Variants in CNTNAP5 observed in about 807,000 individuals in gnomAD.
CNTNAP5 encodes contactin-associated protein-like 5.
CNTNAP5 carries 72 observed loss-of-function variants against 150.2 expected under a neutral mutation model. That is an observed-to-expected ratio of 0.48 (90% CI 0.40 to 0.58). The LOEUF is 0.58. Ranked by LOEUF, CNTNAP5 falls within the 20% of genes least tolerant of loss-of-function variation. The pLI, the probability that CNTNAP5 is intolerant of heterozygous loss-of-function variation, is 0.00. For missense variants in CNTNAP5, 1,636 were observed against 1,626.2 expected (o/e 1.01, Z -0.10); for synonymous variants, 672 against 619.8 (o/e 1.08, Z -1.25).
At chr2:124,419,006 C>A (rs368440988) in intron 4 of CNTNAP5, among the ~76,000 whole-genome samples, 1 of 149,094 alleles carries the variant, frequency 6.7e-6, no homozygotes, top group Admixed American at 6.7e-5. Flanking sequence ...CGGTGGCGGG[C>A]GCCTGTAGTC....
chr2:124,316,804 C>CAAAAAAAAAAAAAA (rs56812690), intron 3 of CNTNAP5, among the ~76,000 whole-genome samples: 89 of 54,758 alleles, frequency 1.6e-3, no homozygotes, highest in South Asian at 1.8e-3. Context: ...GACTCCATCT[C>CAAAAAAAAAAAAAA]AAAAAAAAAA....
At position 124,097,405 on chromosome 2, in the gene CNTNAP5, T is replaced by C. The variant is rs1682961189; in HGVS notation, c.82+71673T>C. Among the ~76,000 whole-genome samples, 7 of 152,106 alleles carry C rather than the reference T, an allele frequency of 4.6e-5. No homozygotes were observed. The South Asian group carries it at 1.3e-3, about 27-fold the overall frequency. On this transcript the variant is annotated intron_variant, in intron 1 of 23. Transcript: ENST00000682447. ...TATACACTTTGATAGCATCAAGAAG[T>C]TTTTATCATATTAACAACCAAATAA...
chr2:124,648,913 AT>A (rs1410020416), intron 13 of CNTNAP5, among the ~76,000 whole-genome samples: 2 of 152,208 alleles, frequency 1.3e-5, no homozygotes, highest in African/African-American at 4.8e-5. Context: ...TGGGGAAAAA[AT>A]GGAGAATAAA....
chr2:124,533,869 CTG>C (rs1695172070), intron 10 of CNTNAP5, among the ~76,000 whole-genome samples: 3 of 152,188 alleles, frequency 2.0e-5, no homozygotes, highest in Admixed American at 1.3e-4. Flanking sequence ...ACAAGCATAA[CTG>C]TTTGTTGTGA....
At chr2:124,804,146 A>G (rs1045090182) in intron 19 of CNTNAP5, among the ~76,000 whole-genome samples, 4 of 152,148 alleles carry the variant, frequency 2.6e-5, no homozygotes, top group Non-Finnish European at 4.4e-5. Context: ...CTTTCCAACA[A>G]TCTCTTGTAC....
chr2:124,177,678 C>T (rs978090944), intron 1 of CNTNAP5, among the ~76,000 whole-genome samples: 5 of 152,004 alleles, frequency 3.3e-5, no homozygotes, highest in Admixed American at 1.3e-4. Context: ...TGTGTGCGCA[C>T]GCACACAAAG....
intron 1 of CNTNAP5, among the ~76,000 whole-genome samples, chr2:124,046,148 T>C (rs1433407333): frequency 6.6e-6 from 1 of 152,108 alleles, no homozygotes; most frequent in Non-Finnish European, 1.5e-5. Context: ...GTGTGCCCTT[T>C]TCTAGCACCT....
At chr2:124,648,235 C>G (rs1225028593) in intron 13 of CNTNAP5, among the ~76,000 whole-genome samples, 3 of 152,182 alleles carry the variant, frequency 2.0e-5, no homozygotes, top group African/African-American at 7.2e-5. Context: ...GAATGAAGAA[C>G]ATCTGAAGAG....
chr2:124,736,935 G>A (rs182088872), intron 13 of CNTNAP5, among the ~76,000 whole-genome samples: 1 of 152,102 alleles, frequency 6.6e-6, no homozygotes, highest in Non-Finnish European at 1.5e-5. Flanking sequence ...TTCCAATGGG[G>A]AATACATTAT....
chr2:124,794,733 GT>G (rs1251530263), intron 18 of CNTNAP5, among the ~76,000 whole-genome samples: 1 of 152,050 alleles, frequency 6.6e-6, no homozygotes, highest in African/African-American at 2.4e-5. Context: ...AACTTCAACA[GT>G]TACAAACTCA....
chr2:124,191,269 T>C (rs1374399371), intron 1 of CNTNAP5, among the ~76,000 whole-genome samples: 1 of 152,176 alleles, frequency 6.6e-6, no homozygotes, highest in Non-Finnish European at 1.5e-5. Flanking sequence ...TGGTGTGGGA[T>C]GTTTGGAGAA....
chr2:124,350,465 T>A (rs1162379584), intron 3 of CNTNAP5, among the ~76,000 whole-genome samples: 1 of 150,342 alleles, frequency 6.7e-6, no homozygotes, highest in Non-Finnish European at 1.5e-5. Flanking sequence ...TTTTTTTTTT[T>A]AATCCTTCAT....
At chr2:124,811,006 A>T (rs1341139412) in intron 19 of CNTNAP5, among the ~76,000 whole-genome samples, 2 of 151,000 alleles carry the variant, frequency 1.3e-5, no homozygotes, top group Admixed American at 1.3e-4. Flanking sequence ...ACAAGAAAAC[A>T]GGCCATTTGG....
chr2:124,465,568 A>G (rs1018412596), intron 6 of CNTNAP5, among the ~76,000 whole-genome samples: 5 of 152,210 alleles, frequency 3.3e-5, no homozygotes, highest in Admixed American at 3.3e-4. Context: ...TGTTGAATCT[A>G]TTAATGGTTT....
intron 1 of CNTNAP5, among the ~76,000 whole-genome samples, chr2:124,201,000 C>T (rs2104709298): frequency 6.6e-6 from 1 of 152,318 alleles, no homozygotes; most frequent in East Asian, 1.9e-4. Context: ...GGATCTGTTT[C>T]ACCCTAAGGA....
At chr2:124,678,494 C>A (rs7567777) in intron 13 of CNTNAP5, among the ~76,000 whole-genome samples, 1 of 151,434 alleles carries the variant, frequency 6.6e-6, no homozygotes, top group Non-Finnish European at 1.5e-5. Context: ...CTTTTCTGCT[C>A]TTGTCTGCCT....
chr2:124,741,298 G>T (rs986304212), intron 13 of CNTNAP5, among the ~76,000 whole-genome samples: 28 of 152,242 alleles, frequency 1.8e-4, no homozygotes, highest in African/African-American at 6.7e-4. Context: ...CTGGAATTTT[G>T]CTTGGACTGT....
intron 20 of CNTNAP5, among the ~76,000 whole-genome samples, chr2:124,868,183 G>T (rs1228892004): frequency 2.0e-5 from 3 of 152,124 alleles, no homozygotes; most frequent in Non-Finnish European, 4.4e-5. Flanking sequence ...CAGTCAGAGT[G>T]ATCCTGGTGA....
chr2:124,200,698 G>C (rs537593579), intron 1 of CNTNAP5, among the ~76,000 whole-genome samples: 9 of 152,172 alleles, frequency 5.9e-5, no homozygotes, highest in Non-Finnish European at 1.3e-4. Flanking sequence ...TTCTCAATCT[G>C]TAACCTGATT....
Sources: gnomAD v4.1 joint callset for allele counts (sites outside exome capture counted in the v4.1 genomes callset) on GRCh38, gnomAD v4.1.1 for gene constraint, MANE v1.5 for transcripts, NCBI Gene and HGNC (gene_info 2026-07-23, HGNC 2026-07-21) for gene names.